PTER: variants seen among roughly 807,000 people sequenced by gnomAD.
The protein encoded by PTER is N-acetyltaurine hydrolase.
Under a neutral mutation model 29.6 loss-of-function variants are expected in PTER, and 38 were observed. The ratio of observed to expected loss-of-function variants is 1.28; its 90% confidence interval spans 0.99 to 1.68. PTER has a LOEUF of 1.68. Among genes scored for constraint, PTER ranks in the 40% most tolerant of loss-of-function variants. The pLI is 0.00. For synonymous variants in PTER, 172 were observed against 154.5 expected, an observed-to-expected ratio of 1.11 and a Z score of -0.84; for missense variants, 482 against 427.8, an observed-to-expected ratio of 1.13 and a Z score of -1.12.
At chr10:16,481,869 T>G (rs770207309) in intron 1 of PTER, among the ~76,000 whole-genome samples, 3 of 152,140 alleles carry the variant, frequency 2.0e-5, no homozygotes, top group Non-Finnish European at 4.4e-5. Context: ...ATATGGAAGC[T>G]TGCATCTATT....
At chr10:16,464,349 G>T (rs1222032839) in intron 1 of PTER, among the ~76,000 whole-genome samples, 1 of 152,176 alleles carries the variant, frequency 6.6e-6, no homozygotes, top group East Asian at 1.9e-4. Flanking sequence ...CGAGAGATCA[G>T]TTAAGTATTC....
chr10:16,518,683 T>A (rs1224009854), downstream of PTER, among the ~76,000 whole-genome samples: 2 of 152,226 alleles, frequency 1.3e-5, no homozygotes, highest in Non-Finnish European at 2.9e-5. Context: ...TATTTAAAGA[T>A]GTGAGCATTT....
intron 3 of PTER, among the ~76,000 whole-genome samples, chr10:16,491,001 A>C (rs539672804): frequency 6.6e-6 from 1 of 152,092 alleles, no homozygotes; most frequent in African/African-American, 2.4e-5. Flanking sequence ...ATATACACAC[A>C]CATATGTATT....
intron 3 of PTER, among the ~76,000 whole-genome samples, chr10:16,499,890 C>T (rs181335909): frequency 1.1e-4 from 16 of 151,808 alleles, no homozygotes; most frequent in Non-Finnish European, 1.5e-4. Flanking sequence ...TTTCTCTTCC[C>T]CTCTTTTTCT....
chr10:16,439,254 G>A (rs1018418032), intron 1 of PTER, among the ~76,000 whole-genome samples: 1 of 152,046 alleles, frequency 6.6e-6, no homozygotes, highest in Non-Finnish European at 1.5e-5. Flanking sequence ...TTTTCTGGAG[G>A]GACTTAGGGA....
In PTER at chr10:16,473,519, G is replaced by GAAAAAAAAAAAAAAAAAAAAAA. The variant is rs72001271; in HGVS notation, c.-48-10811_-48-10790dup. On this transcript the variant is annotated intron_variant, in intron 1 of 4. Transcript: ENST00000535784. Reference sequence around the variant, plus strand: ...TGGGTGATAGAGTGAGACTCCATCCGAAAAAAAAAAAAAAAAAAAAAAAAA... The same window carrying GAAAAAAAAAAAAAAAAAAAAAA: ...TGGGTGATAGAGTGAGACTCCATCCGAAAAAAAAAAAAAAAAAAAAAAAAAAAAAAAAAAAAAAAAAAAAAAA... Among the ~76,000 whole-genome samples, 2 of 28,168 alleles carry GAAAAAAAAAAAAAAAAAAAAAA rather than the reference G, an allele frequency of 7.1e-5. 1 individual carries two copies. Among genetic ancestry groups the GAAAAAAAAAAAAAAAAAAAAAA allele is most frequent in the Non-Finnish European group, 1.2e-4 (2 of 16,534 alleles). 18.5% of individuals were successfully genotyped at this position (28,168 alleles called of 152,430 possible).
At chr10:16,486,667 A>G (rs746324497) in intron 3 of PTER, 50 bp downstream of exon 3, 2 of 1,544,256 alleles carry the variant, frequency 1.3e-6, no homozygotes, top group Non-Finnish European at 1.8e-6. Context: ...TAATTAATGC[A>G]TGATCAAATT....
intron 1 of PTER, among the ~76,000 whole-genome samples, chr10:16,440,974 CT>C (rs1324969659): frequency 6.6e-6 from 1 of 152,194 alleles, no homozygotes; most frequent in African/African-American, 2.4e-5. Context: ...CTGAAAGAGG[CT>C]TGTCCTATGA....
In PTER at chr10:16,471,165, A is replaced by AT. The variant is rs373441400; in HGVS notation, c.-48-13171dup. On this transcript the variant is annotated intron_variant, in intron 1 of 4. Coordinates refer to ENST00000535784, the MANE Select transcript of PTER (RefSeq NM_001261836.2). ...AAATGAACCATAGCACTAGAAAGGC[A>AT]TGTAATTTGATCTGAAATATTGCGC... Among the ~76,000 whole-genome samples, 1,229 of 152,348 alleles carry AT rather than the reference A, an allele frequency of 8.1e-3. 20 individuals are homozygous for AT. Among genetic ancestry groups the AT allele is most frequent in the African/African-American group, 0.028 (1,180 of 41,584 alleles).
At chr10:16,451,945 G>T (rs528344155) in intron 1 of PTER, among the ~76,000 whole-genome samples, 1 of 151,974 alleles carries the variant, frequency 6.6e-6, no homozygotes, top group African/African-American at 2.4e-5. Flanking sequence ...ATTTATGCTC[G>T]TATCATCTTC....
At chr10:16,455,946 CT>C (rs998675747) in intron 1 of PTER, among the ~76,000 whole-genome samples, 2 of 151,368 alleles carry the variant, frequency 1.3e-5, no homozygotes, top group East Asian at 1.9e-4. Context: ...AGTGTTATTA[CT>C]TTTTTTTTGG....
intron 3 of PTER, among the ~76,000 whole-genome samples, chr10:16,494,626 G>A (rs1420802729): frequency 2.0e-5 from 3 of 152,072 alleles, no homozygotes; most frequent in Non-Finnish European, 4.4e-5. Flanking sequence ...TAATGCAAAC[G>A]TACCACTCTC....
chr10:16,454,917 G>A (rs1318703000), intron 1 of PTER, among the ~76,000 whole-genome samples: 3 of 152,076 alleles, frequency 2.0e-5, no homozygotes, highest in African/African-American at 7.2e-5. Context: ...AATGAAAACT[G>A]TACGAAATAA....
intron 1 of PTER, among the ~76,000 whole-genome samples, chr10:16,459,395 C>T (rs1362782889): frequency 2.0e-5 from 3 of 152,188 alleles, no homozygotes; most frequent in East Asian, 3.8e-4. Flanking sequence ...ACCAGCAGTG[C>T]TGTAGCTACT....
intron 3 of PTER, among the ~76,000 whole-genome samples, chr10:16,495,275 A>T (rs566456083): frequency 6.6e-6 from 1 of 151,240 alleles, no homozygotes; most frequent in Admixed American, 6.6e-5. Context: ...GGTTCAAGCG[A>T]TTCTTGTGCC....
chr10:16,500,971 AC>A, intron 3 of PTER, among the ~76,000 whole-genome samples: 1 of 151,898 alleles, frequency 6.6e-6, no homozygotes, highest in Non-Finnish European at 1.5e-5. Flanking sequence ...TCACTCTGTC[AC>A]CCAAGCTGGA....
intron 1 of PTER, among the ~76,000 whole-genome samples, chr10:16,480,250 C>T (rs188120669): frequency 8.2e-5 from 12 of 147,200 alleles, no homozygotes; most frequent in East Asian, 8.1e-4. Flanking sequence ...AGTGCAGTGG[C>T]GCAATCTTGA....
At chr10:16,439,657 C>T (rs1452238692) in intron 1 of PTER, among the ~76,000 whole-genome samples, 2 of 152,226 alleles carry the variant, frequency 1.3e-5, no homozygotes, top group Non-Finnish European at 2.9e-5. Flanking sequence ...ACAGGACATA[C>T]ATACATACAG....
chr10:16,462,027 C>T (rs988625881), intron 1 of PTER, among the ~76,000 whole-genome samples: 48 of 151,456 alleles, frequency 3.2e-4, no homozygotes, highest in African/African-American at 9.9e-4. Flanking sequence ...CTCTTGTCAC[C>T]CAGGCTGGAG....
Sources: gnomAD v4.1 joint callset for allele counts (sites outside exome capture counted in the v4.1 genomes callset) on GRCh38, gnomAD v4.1.1 for gene constraint, MANE v1.5 for transcripts, NCBI Gene and HGNC (gene_info 2026-07-23, HGNC 2026-07-21) for gene names.